The following DOCK3 variants were observed in gnomAD, a reference collection of about 807,000 sequenced individuals.
DOCK3 encodes the protein dedicator of cytokinesis 3, also known as dedicator of cytokinesis protein 3.
A neutral mutation model predicts 265.6 loss-of-function variants in DOCK3; 60 were observed. The observed-to-expected ratio is 0.23, with a 90% confidence interval of 0.18 to 0.28. The LOEUF is 0.28. Ranked by LOEUF, DOCK3 falls within the 10% of genes least tolerant of loss-of-function variation. The pLI is 1.00. For missense variants in DOCK3, 1,981 were observed against 2,594.3 expected (o/e 0.76, Z 5.14); for synonymous variants, 881 against 938.0 (o/e 0.94, Z 1.11).
intron 49 of DOCK3, among the ~76,000 whole-genome samples, chr3:51,366,542 G>A (rs1576955631): frequency 1.3e-5 from 2 of 152,210 alleles, no homozygotes; most frequent in African/African-American, 4.8e-5. Flanking sequence ...TTTTGAATGT[G>A]TTTGCTCTTG....
intron 6 of DOCK3, among the ~76,000 whole-genome samples, chr3:51,074,512 AC>A (rs2081987450): frequency 6.6e-6 from 1 of 152,180 alleles, no homozygotes; most frequent in Non-Finnish European, 1.5e-5. Context: ...TGTTGGTTAA[AC>A]TTTTATCTAA....
intron 4 of DOCK3, among the ~76,000 whole-genome samples, chr3:50,891,820 G>A (rs2048654319): frequency 6.6e-6 from 1 of 152,046 alleles, no homozygotes; most frequent in Non-Finnish European, 1.5e-5. Flanking sequence ...TTCTGATGAT[G>A]AGGAACTTAT....
chr3:51,109,382 A>G (rs886294018), intron 9 of DOCK3, among the ~76,000 whole-genome samples: 1 of 152,198 alleles, frequency 6.6e-6, no homozygotes, highest in African/African-American at 2.4e-5. Context: ...CAGTGTTAAG[A>G]GGGAACTTTA....
chr3:51,334,348 C>T (rs139781314), intron 35 of DOCK3, among the ~76,000 whole-genome samples: 3 of 152,296 alleles, frequency 2.0e-5, no homozygotes, highest in African/African-American at 7.2e-5. Context: ...CAATAGTTGC[C>T]TTCTCTGTGC....
chr3:51,249,238 G>A (rs1163047293), intron 22 of DOCK3, among the ~76,000 whole-genome samples: 2 of 138,922 alleles, frequency 1.4e-5, no homozygotes, highest in African/African-American at 2.7e-5. Flanking sequence ...CGCCCTGTCC[G>A]GGAGGTGAGG....
chr3:50,698,725 G>A (rs147113450), intron 1 of DOCK3, among the ~76,000 whole-genome samples: 50 of 151,460 alleles, frequency 3.3e-4, no homozygotes, highest in Non-Finnish European at 4.4e-5. Context: ...TTAAGAAGTG[G>A]CATCTCATTG....
At chr3:51,297,496 A>C (rs916465043) in intron 27 of DOCK3, among the ~76,000 whole-genome samples, 2 of 152,188 alleles carry the variant, frequency 1.3e-5, no homozygotes, top group Non-Finnish European at 2.9e-5. Context: ...AAGATAGAAA[A>C]CTCAATTTAA....
intron 4 of DOCK3, among the ~76,000 whole-genome samples, chr3:50,903,054 G>T (rs2049286435): frequency 6.6e-6 from 1 of 152,206 alleles, no homozygotes; most frequent in Admixed American, 6.5e-5. Context: ...TGGCCTATCA[G>T]CTTAAGAAGC....
At chr3:51,314,360 G>A (rs1424763563) in intron 31 of DOCK3, among the ~76,000 whole-genome samples, 4 of 152,166 alleles carry the variant, frequency 2.6e-5, no homozygotes, top group Non-Finnish European at 2.9e-5. Context: ...GAACACAAAG[G>A]GAGTTCAGGG....
chr3:51,196,898 A>G (rs916989086), intron 12 of DOCK3, among the ~76,000 whole-genome samples: 2 of 152,166 alleles, frequency 1.3e-5, no homozygotes, highest in African/African-American at 4.8e-5. Context: ...GATACTTATT[A>G]TGTTCCTTTG....
In DOCK3 at chr3:51,295,697, A is replaced by G. The variant is rs949339231; in HGVS notation, c.2923-14535A>G. The stretch of plus-strand genomic sequence containing the variant: ...AACAAAAGATTAATTTCTTTCTCCT[A>G]AGATCAGGAACAAGGGCAAGATGTG... On this transcript the variant is annotated intron_variant, in intron 27 of 52. Coordinates refer to ENST00000266037, the MANE Select transcript of DOCK3 (RefSeq NM_004947.5). Among the ~76,000 whole-genome samples the G allele has an allele frequency of 4.6e-5, 7 of 152,088 alleles. No homozygotes were observed. The East Asian group carries it at 1.2e-3, about 25-fold the overall frequency.
chr3:50,916,259 T>C (rs1428371530), intron 4 of DOCK3, among the ~76,000 whole-genome samples: 1 of 151,990 alleles, frequency 6.6e-6, no homozygotes, highest in East Asian at 1.9e-4. Context: ...ATCCTTTAGC[T>C]TAACTCCTTA....
chr3:50,979,663 C>G (rs185029827), intron 5 of DOCK3, among the ~76,000 whole-genome samples: 1 of 152,098 alleles, frequency 6.6e-6, no homozygotes, highest in Non-Finnish European at 1.5e-5. Context: ...ACAAATAAGC[C>G]TCTTTTTAAA....
intron 1 of DOCK3, among the ~76,000 whole-genome samples, chr3:50,747,008 A>ATT (rs34966147): frequency 0.089 from 13,513 of 152,062 alleles, 1,235 homozygotes; most frequent in East Asian, 0.33. Flanking sequence ...ATTCAAGTAC[A>ATT]TTTTTTTTCA....
chr3:51,372,575 G>C (rs190530874), intron 49 of DOCK3, among the ~76,000 whole-genome samples: 8 of 152,306 alleles, frequency 5.3e-5, no homozygotes, highest in Non-Finnish European at 8.8e-5. Flanking sequence ...TTCTTTATGA[G>C]CCAGGCTGTG....
intron 10 of DOCK3, among the ~76,000 whole-genome samples, chr3:51,157,796 C>CTTTTTTT: frequency 7.7e-6 from 1 of 129,666 alleles, no homozygotes; most frequent in Non-Finnish European, 1.6e-5. Context: ...TTGATTGTAC[C>CTTTTTTT]TTTTTTTTTT....
chr3:51,011,050 A>T (rs1403050789), intron 5 of DOCK3, among the ~76,000 whole-genome samples: 1 of 152,082 alleles, frequency 6.6e-6, no homozygotes, highest in Non-Finnish European at 1.5e-5. Context: ...GCTGCCCTTA[A>T]CATGTTTTCC....
At chr3:50,698,517 G>GTTTTTTTTTTTTTT in intron 1 of DOCK3, among the ~76,000 whole-genome samples, 704 of 19,444 alleles carry the variant, frequency 0.036, 237 homozygotes, top group Non-Finnish European at 0.06. Context: ...TATGTTTTTG[G>GTTTTTTTTTTTTTT]TTTTTTTTTT....
intron 5 of DOCK3, among the ~76,000 whole-genome samples, chr3:51,043,871 A>G (rs1575861495): frequency 6.6e-6 from 1 of 152,210 alleles, no homozygotes; most frequent in Admixed American, 6.5e-5. Flanking sequence ...CAAAACCACA[A>G]TGAGACACCA....
Sources: allele counts gnomAD v4.1 joint callset (sites outside exome capture counted in the v4.1 genomes callset), GRCh38; gene constraint gnomAD v4.1.1; transcripts MANE v1.5; gene names NCBI Gene and HGNC (gene_info 2026-07-23, HGNC 2026-07-21).